Variants in ZSCAN5A observed in about 807,000 individuals in gnomAD.
ZSCAN5A encodes the protein zinc finger and SCAN domain containing 5A, also known as zinc finger and SCAN domain-containing protein 5A.
In ZSCAN5A, 12 loss-of-function variants were observed where a neutral mutation model predicts 23.7. That is an observed-to-expected ratio of 0.51 (90% CI 0.32 to 0.82). The LOEUF is 0.82. Among genes scored for constraint, ZSCAN5A ranks in the 40% least tolerant of loss-of-function variants. The pLI is 0.03. For synonymous variants in ZSCAN5A, 257 were observed against 239.9 expected, an observed-to-expected ratio of 1.07 and a Z score of -0.66; for missense variants, 597 against 617.9, an observed-to-expected ratio of 0.97 and a Z score of 0.36.
chr19:56,263,849 CTA>C lies in ZSCAN5A; in HGVS notation c.-127-38678_-127-38677del, dbSNP rs1239562590. 1.2e-4 allele frequency among the ~76,000 whole-genome samples: 18 copies of C among 152,018 alleles called. No individual in the cohort carries two copies. In the East Asian group the frequency reaches 3.5e-3, roughly 29 times the overall value. ...CAATAATTATAATAGTATTATGCTTCTATGAGCCATATAAATATTATATGCTA... is the reference window on the plus strand; with the variant it reads ...CAATAATTATAATAGTATTATGCTTCTGAGCCATATAAATATTATATGCTA... On this transcript the variant is annotated intron_variant, in intron 2 of 5. Transcript: ENST00000683990.
intron 2 of ZSCAN5A, among the ~76,000 whole-genome samples, chr19:56,349,116 GGC>G: frequency 6.6e-6 from 1 of 152,074 alleles, no homozygotes; most frequent in South Asian, 2.1e-4. Context: ...ATTGTTTTCA[GGC>G]AGGAAACCTC....
intron 2 of ZSCAN5A, among the ~76,000 whole-genome samples, chr19:56,350,800 A>G (rs2041662871): frequency 6.6e-6 from 1 of 151,960 alleles, no homozygotes; most frequent in Admixed American, 6.6e-5. Context: ...TAAAATTTAT[A>G]TTTTTTCACC....
intron 2 of ZSCAN5A, chr19:56,244,030 T>C: frequency 1.2e-6 from 1 of 836,512 alleles, no homozygotes; most frequent in Non-Finnish European, 2.0e-6. Context: ...GACTGAAATA[T>C]TCTCCACCAG....
At chr19:56,321,645 G>A in intron 2 of ZSCAN5A, 1 of 938,708 alleles carries the variant, frequency 1.1e-6, no homozygotes, top group Non-Finnish European at 1.8e-6. Flanking sequence ...GCATCGTTAT[G>A]TCGTCCATCA....
chr19:56,284,470 A>C (rs573970182), intron 2 of ZSCAN5A, among the ~76,000 whole-genome samples: 34 of 73,096 alleles, frequency 4.7e-4, no homozygotes, highest in Non-Finnish European at 1.3e-3. Context: ...AAACAGAGAT[A>C]AGTAAACAGA....
intron 2 of ZSCAN5A, among the ~76,000 whole-genome samples, chr19:56,265,080 C>T (rs1180641575): frequency 4.6e-5 from 7 of 151,996 alleles, no homozygotes; most frequent in Admixed American, 3.9e-4. Context: ...TGAGATCACA[C>T]CACTGCACTC....
At chr19:56,227,809 G>T (rs1205785618) in intron 2 of ZSCAN5A, among the ~76,000 whole-genome samples, 1 of 152,132 alleles carries the variant, frequency 6.6e-6, no homozygotes, top group African/African-American at 2.4e-5. Context: ...AATTCTAACA[G>T]GTTGGAAGAC....
intron 2 of ZSCAN5A, among the ~76,000 whole-genome samples, chr19:56,259,569 A>G (rs1198144227): frequency 6.6e-6 from 1 of 152,202 alleles, no homozygotes; most frequent in Non-Finnish European, 1.5e-5. Flanking sequence ...TGGCGTGTGT[A>G]CTAAAAATTT....
Position 56,246,045 on chromosome 19 carries a change from A to G in ZSCAN5A, c.-127-20872T>C, listed in dbSNP as rs565802615. Among the ~76,000 whole-genome samples, 29 of 152,282 alleles carry G rather than the reference A, an allele frequency of 1.9e-4. No individual in the cohort carries two copies. In the South Asian group the frequency reaches 4.8e-3, roughly 25 times the overall value. On this transcript the variant is annotated intron_variant, in intron 2 of 5. Coordinates refer to ENST00000683990, the MANE Select transcript of ZSCAN5A (RefSeq NM_001322064.3). The stretch of plus-strand genomic sequence containing the variant: ...GTCAGGGGCAGGGAGACGTTGGCAC[A>G]GCGGGGAGAAATATGCTCAGAGAAC...
rs111769787 is a variant in ZSCAN5A at position 56,224,643 on chromosome 19, A to C, written c.384+20T>G. The C allele has an allele frequency of 5.2e-6, 8 of 1,524,026 alleles. No homozygotes were observed. In the African/African-American group the frequency reaches 1.0e-4, roughly 20 times the overall value. 94.4% of individuals were successfully genotyped at this position (1,524,026 alleles called of 1,614,324 possible). Reference sequence around the variant, plus strand: ...ATCCCAGCTCCCCTTCCCTGCACCAATCACGAGGGTCCCACTCACCCATTT... The same window carrying C: ...ATCCCAGCTCCCCTTCCCTGCACCACTCACGAGGGTCCCACTCACCCATTT... On this transcript the variant is annotated intron_variant, in intron 3 of 5. Coordinates refer to ENST00000683990, the MANE Select transcript of ZSCAN5A (RefSeq NM_001322064.3).
chr19:56,264,503 T>A (rs1027816573), intron 2 of ZSCAN5A, among the ~76,000 whole-genome samples: 1 of 152,200 alleles, frequency 6.6e-6, no homozygotes, highest in African/African-American at 2.4e-5. Flanking sequence ...CAGATCTGAA[T>A]CCTGAAGTCA....
At chr19:56,315,525 C>G (rs1470935935), upstream of ZSCAN5A, 1 of 152,298 alleles carries the variant, frequency 6.6e-6, no homozygotes, top group Non-Finnish European at 1.5e-5. Flanking sequence ...CCTCCCAGTT[C>G]CCCTGTGACT....
chr19:56,223,326 CTT>C (rs1357975877), intron 4 of ZSCAN5A, among the ~76,000 whole-genome samples: 1 of 152,206 alleles, frequency 6.6e-6, no homozygotes, highest in African/African-American at 2.4e-5. Flanking sequence ...CATTAAATGT[CTT>C]TGAGGAAACT....
chr19:56,225,156 C>A lies in ZSCAN5A; in HGVS notation c.-110G>T. On this transcript the variant is annotated 5_prime_UTR_variant, in exon 3 of 6. It introduces an in-frame stop codon into an upstream open reading frame of the 5' UTR. Transcript: ENST00000683990. ...CTCTGGTTTTCCTCAGTAATAGATT[C>A]ACTGTTCATTCAGAAGTCTGGGGGG... 6.8e-7 allele frequency: 1 copy of A among 1,470,516 alleles called. No individual in the cohort carries two copies. The highest frequency in any genetic ancestry group is 8.9e-7 in the Non-Finnish European group (1 of 1,121,820). 91.1% of individuals were successfully genotyped at this position (1,470,516 alleles called of 1,614,324 possible).
chr19:56,365,438 A>G (rs565193481), intron 1 of ZSCAN5A, among the ~76,000 whole-genome samples: 102 of 152,188 alleles, frequency 6.7e-4, no homozygotes, highest in Non-Finnish European at 1.3e-3. Context: ...CCTATACAAC[A>G]TGGTTAAAAG....
chr19:56,306,345 G>C (rs905307903), intron 2 of ZSCAN5A, among the ~76,000 whole-genome samples: 3 of 121,052 alleles, frequency 2.5e-5, no homozygotes, highest in East Asian at 2.5e-4. Flanking sequence ...CTCTTCCCTT[G>C]ATAGCTACAA....
rs75368210 is a variant in ZSCAN5A, at chr19:56,272,936, T to C, written c.-128+40347A>G. 1,087 of 974,556 alleles carry C rather than the reference T, an allele frequency of 1.1e-3. 10 individuals carry two copies. The African/African-American group carries it at 0.017, about 16-fold the overall frequency. 60.4% of individuals were successfully genotyped at this position (974,556 alleles called of 1,614,324 possible). On this transcript the variant is annotated intron_variant, in intron 2 of 5. Coordinates refer to ENST00000683990, the MANE Select transcript of ZSCAN5A (RefSeq NM_001322064.3). Reference sequence around the variant, plus strand: ...CTCGTGAAGGTAATGCTTCCAGCCATGCCTTGTGTCCTCTATGTATTTTCT... The same window carrying C: ...CTCGTGAAGGTAATGCTTCCAGCCACGCCTTGTGTCCTCTATGTATTTTCT...
At chr19:56,230,430 C>A (rs2034356953) in intron 2 of ZSCAN5A, among the ~76,000 whole-genome samples, 1 of 152,192 alleles carries the variant, frequency 6.6e-6, no homozygotes, top group Admixed American at 6.5e-5. Context: ...AGTTTGGAAA[C>A]AGGTATACGT....
intron 2 of ZSCAN5A, among the ~76,000 whole-genome samples, chr19:56,291,199 G>A (rs2039486355): frequency 6.6e-6 from 1 of 152,220 alleles, no homozygotes; most frequent in Admixed American, 6.5e-5. Context: ...CCATTGAGAA[G>A]AGAACCAAAG....
Sources: gnomAD v4.1 joint callset for allele counts (sites outside exome capture counted in the v4.1 genomes callset) on GRCh38, gnomAD v4.1.1 for gene constraint, MANE v1.5 for transcripts, NCBI Gene and HGNC (gene_info 2026-07-23, HGNC 2026-07-21) for gene names.